The following EXOC6B variants were observed in gnomAD, a reference collection of about 807,000 sequenced individuals.
EXOC6B encodes the protein SEC15 homolog B.
Under a neutral mutation model 113.5 loss-of-function variants are expected in EXOC6B, and 54 were observed. The observed-to-expected ratio is 0.48, with a 90% CI of 0.38 to 0.60. The LOEUF (loss-of-function observed/expected upper bound fraction) is 0.60, where lower values mean the gene tolerates loss of function less well. EXOC6B is among the 20% of genes least tolerant of loss of function. The pLI is 0.00. For missense variants in EXOC6B, 797 were observed against 977.5 expected (o/e 0.82, Z 2.46); for synonymous variants, 357 against 339.0 (o/e 1.05, Z -0.58).
chr2:72,525,318 A>T (rs1363501752), intron 8 of EXOC6B, among the ~76,000 whole-genome samples: 1 of 134,554 alleles, frequency 7.4e-6, no homozygotes, highest in Non-Finnish European at 1.6e-5. Flanking sequence ...CTTTCATAGC[A>T]TTACCAATTA....
intron 1 of EXOC6B, among the ~76,000 whole-genome samples, chr2:72,794,466 A>AG (rs1053855664): frequency 3.9e-5 from 6 of 152,204 alleles, no homozygotes; most frequent in African/African-American, 1.4e-4. Context: ...AGAAATAAAC[A>AG]GAAAAAAAAA....
At chr2:72,357,712 G>A (rs530644911) in intron 19 of EXOC6B, among the ~76,000 whole-genome samples, 1 of 152,024 alleles carries the variant, frequency 6.6e-6, no homozygotes, top group East Asian at 1.9e-4. Flanking sequence ...GATGATAATG[G>A]AACTGAAAAA....
intron 20 of EXOC6B, among the ~76,000 whole-genome samples, chr2:72,204,806 G>C (rs373440351): frequency 1.3e-5 from 2 of 152,048 alleles, no homozygotes; most frequent in African/African-American, 2.4e-5. Flanking sequence ...GGTTTGGGGT[G>C]GGGGGAGTTA....
At chr2:72,278,266 A>G (rs991595704) in intron 20 of EXOC6B, among the ~76,000 whole-genome samples, 1 of 152,196 alleles carries the variant, frequency 6.6e-6, no homozygotes, top group Non-Finnish European at 1.5e-5. Context: ...GACTCTATTC[A>G]TTGCAGAAAC....
At chr2:72,545,295 C>G (rs1222125883) in intron 8 of EXOC6B, among the ~76,000 whole-genome samples, 1 of 151,904 alleles carries the variant, frequency 6.6e-6, no homozygotes, top group African/African-American at 2.4e-5. Context: ...ATTTGCCAAT[C>G]AATTTTCTTC....
chr2:72,527,711 G>T (rs1169332555), intron 8 of EXOC6B, among the ~76,000 whole-genome samples: 1 of 151,892 alleles, frequency 6.6e-6, no homozygotes, highest in African/African-American at 2.4e-5. Flanking sequence ...AACCTCACGA[G>T]CATTTGATGT....
At chr2:72,529,000 G>A (rs1701868663) in intron 8 of EXOC6B, among the ~76,000 whole-genome samples, 1 of 152,098 alleles carries the variant, frequency 6.6e-6, no homozygotes. Flanking sequence ...AAATAACACA[G>A]TTGTATTTCT....
At chr2:72,205,187 T>C (rs1679762186) in intron 20 of EXOC6B, among the ~76,000 whole-genome samples, 1 of 152,180 alleles carries the variant, frequency 6.6e-6, no homozygotes, top group African/African-American at 2.4e-5. Flanking sequence ...ACAGTTCATT[T>C]TGTTCTTTGA....
intron 19 of EXOC6B, among the ~76,000 whole-genome samples, chr2:72,341,479 C>A (rs1177930995): frequency 1.3e-5 from 2 of 151,822 alleles, no homozygotes; most frequent in Non-Finnish European, 2.9e-5. Context: ...TTATATCAGA[C>A]AAAATACACA....
In EXOC6B at chr2:72,572,308, C is replaced by A. The variant is rs536676477; in HGVS notation, c.846+3184G>T. On this transcript the variant is annotated intron_variant, in intron 7 of 21. Coordinates refer to ENST00000272427, the MANE Select transcript of EXOC6B (RefSeq NM_015189.3). ...TAAAAAATGCAGACTCAGACTCATT[C>A]TCAACCTGTATAATCACAATCTGCA... is the stretch of plus-strand genomic sequence containing the variant. 2.0e-5 allele frequency among the ~76,000 whole-genome samples: 3 copies of A among 152,298 alleles called. No homozygotes were observed. In the South Asian group the frequency reaches 6.2e-4, roughly 32 times the overall value.
chr2:72,759,294 T>C (rs1390368466), intron 1 of EXOC6B, among the ~76,000 whole-genome samples: 1 of 152,220 alleles, frequency 6.6e-6, no homozygotes, highest in Non-Finnish European at 1.5e-5. Context: ...AAATCAAGCA[T>C]GGTCAAATGA....
chr2:72,778,000 T>C (rs1195707124), intron 1 of EXOC6B, among the ~76,000 whole-genome samples: 1 of 151,924 alleles, frequency 6.6e-6, no homozygotes, highest in Non-Finnish European at 1.5e-5. Flanking sequence ...TAACACAAAA[T>C]AAGGCAGCAA....
chr2:72,526,568 G>C (rs1267468222), intron 8 of EXOC6B, among the ~76,000 whole-genome samples: 3 of 151,932 alleles, frequency 2.0e-5, no homozygotes, highest in African/African-American at 7.2e-5. Flanking sequence ...GTATAGTTAA[G>C]TGAGGGTTGG....
intron 8 of EXOC6B, among the ~76,000 whole-genome samples, chr2:72,543,253 C>T (rs953911019): frequency 6.6e-6 from 1 of 152,090 alleles, no homozygotes; most frequent in Non-Finnish European, 1.5e-5. Context: ...TATAAAAAAA[C>T]TTAATTTATT....
At chr2:72,459,399 AAG>A (rs1697477181) in intron 18 of EXOC6B, among the ~76,000 whole-genome samples, 1 of 152,178 alleles carries the variant, frequency 6.6e-6, no homozygotes, top group African/African-American at 2.4e-5. Context: ...CAATTAGGAA[AAG>A]AGGAAGTCAA....
chr2:72,633,285 G>A lies in EXOC6B; in HGVS notation c.670-57617C>T, dbSNP rs200115289. Reference sequence around the variant, plus strand: ...TCCCAGGAACGGGGGAATAAATTAGGCAGGATCATACACTGTATGTTGTTG... The same window carrying A: ...TCCCAGGAACGGGGGAATAAATTAGACAGGATCATACACTGTATGTTGTTG... On this transcript the variant is annotated intron_variant, in intron 6 of 21. Coordinates refer to ENST00000272427, the MANE Select transcript of EXOC6B (RefSeq NM_015189.3). Among the ~76,000 whole-genome samples, 245 of 152,278 alleles carry A rather than the reference G, an allele frequency of 1.6e-3. 1 individual carries two copies. The highest frequency in any genetic ancestry group is 2.9e-3 in the East Asian group (15 of 5,184).
intron 18 of EXOC6B, among the ~76,000 whole-genome samples, chr2:72,413,218 C>T (rs914915650): frequency 8.6e-5 from 13 of 151,728 alleles, no homozygotes; most frequent in African/African-American, 3.1e-4. Context: ...ACCTCGGCCT[C>T]CCAAAGTGCT....
rs1317368100 is a variant in EXOC6B at position 72,451,175 on chromosome 2, A to G, written c.1980+13985T>C. ...TTTCAATGAAGAATCCTTAGATTTT[A>G]CATACTTCCAGATGGAATGCGTGCT... On this transcript the variant is annotated intron_variant, in intron 18 of 21. Transcript: ENST00000272427. Among the ~76,000 whole-genome samples the G allele has an allele frequency of 2.6e-5, 4 of 152,360 alleles. No individual in the cohort carries two copies. The East Asian group carries it at 7.7e-4, about 29-fold the overall frequency.
chr2:72,457,645 G>A lies in EXOC6B; in HGVS notation c.1980+7515C>T, dbSNP rs144711924. The stretch of plus-strand genomic sequence containing the variant: ...TAAATTCTCAAAAACATGCTCTTAC[G>A]CTGAGCATGCAAAATGGGTAACTGT... On this transcript the variant is annotated intron_variant, in intron 18 of 21. Coordinates refer to ENST00000272427, the MANE Select transcript of EXOC6B (RefSeq NM_015189.3). 5.5e-4 allele frequency among the ~76,000 whole-genome samples: 84 copies of A among 152,080 alleles called. 2 individuals are homozygous for A. The highest frequency in any genetic ancestry group is 3.4e-3 in the Middle Eastern group (1 of 294).
Sources: allele counts gnomAD v4.1 joint callset (sites outside exome capture counted in the v4.1 genomes callset), GRCh38; gene constraint gnomAD v4.1.1; transcripts MANE v1.5; gene names NCBI Gene and HGNC (gene_info 2026-07-23, HGNC 2026-07-21).